CACNA2D3: variants seen among roughly 807,000 people sequenced by gnomAD.
The protein encoded by CACNA2D3 is voltage-dependent calcium channel subunit alpha-2/delta-3.
A neutral mutation model predicts 160.6 loss-of-function variants in CACNA2D3; 60 were observed. The observed-to-expected ratio is 0.37, with a 90% CI of 0.30 to 0.46. The LOEUF is 0.46. CACNA2D3 is among the 20% of genes least tolerant of loss of function. The pLI is 1.00. For synonymous variants in CACNA2D3, 558 were observed against 492.9 expected (o/e 1.13, Z -1.75); for missense variants, 1,205 against 1,365.0 (o/e 0.88, Z 1.85).
intron 11 of CACNA2D3, among the ~76,000 whole-genome samples, chr3:54,678,733 A>C (rs1700288775): frequency 6.8e-6 from 1 of 146,838 alleles, no homozygotes; most frequent in Non-Finnish European, 1.5e-5. Flanking sequence ...AAAAAAAAAA[A>C]AAAAAAAAAA....
chr3:54,575,130 A>G (rs2106728405), intron 8 of CACNA2D3, among the ~76,000 whole-genome samples: 1 of 152,336 alleles, frequency 6.6e-6, no homozygotes, highest in South Asian at 2.1e-4. Flanking sequence ...GTGTTGGTCA[A>G]AATAATGTGT....
At chr3:54,199,392 G>T (rs1576993983) in intron 2 of CACNA2D3, among the ~76,000 whole-genome samples, 1 of 151,932 alleles carries the variant, frequency 6.6e-6, no homozygotes. Context: ...TTGAGACAGG[G>T]TCTTACCATC....
chr3:54,463,144 C>A (rs1253245695), intron 4 of CACNA2D3, among the ~76,000 whole-genome samples: 1 of 152,036 alleles, frequency 6.6e-6, no homozygotes, highest in Non-Finnish European at 1.5e-5. Flanking sequence ...CCGAGAGATC[C>A]GCTGTTAGTC....
intron 27 of CACNA2D3, among the ~76,000 whole-genome samples, chr3:54,954,077 GTCTC>G (rs956973500): frequency 1.2e-4 from 18 of 152,316 alleles, no homozygotes; most frequent in African/African-American, 4.1e-4. Context: ...TGAATTCAGT[GTCTC>G]TCTGCCTATT....
intron 27 of CACNA2D3, among the ~76,000 whole-genome samples, chr3:54,900,584 G>T (rs1001142560): frequency 6.6e-6 from 1 of 152,194 alleles, no homozygotes. Flanking sequence ...TCTGGCACAT[G>T]GTTTATTCTG....
chr3:54,925,149 C>T, intron 27 of CACNA2D3: 2 of 1,614,058 alleles, frequency 1.2e-6, no homozygotes. Context: ...CTGACAGTAA[C>T]ACTTGTCCGG....
At position 54,644,705 on chromosome 3, in the gene CACNA2D3, C is replaced by T. The variant is rs115606747; in HGVS notation, c.1167+2464C>T. 1.4e-4 allele frequency among the ~76,000 whole-genome samples: 21 copies of T among 152,362 alleles called. No individual in the cohort carries two copies. In the East Asian group the frequency reaches 3.3e-3, roughly 24 times the overall value. ...GTAGTTCTCAAACTTGAGTGAGCTTCGGGATCACCCGAGGGCTTGTTCCTC... is the reference window on the plus strand; with the variant it reads ...GTAGTTCTCAAACTTGAGTGAGCTTTGGGATCACCCGAGGGCTTGTTCCTC... On this transcript the variant is annotated intron_variant, in intron 11 of 37. Transcript: ENST00000474759.
At chr3:54,778,501 C>T (rs779248307) in intron 13 of CACNA2D3, among the ~76,000 whole-genome samples, 6 of 152,116 alleles carry the variant, frequency 3.9e-5, no homozygotes, top group Admixed American at 1.3e-4. Flanking sequence ...TCTCCTCTGA[C>T]CTCCTTGGAT....
At chr3:54,386,153 T>C (rs1460778430) in intron 3 of CACNA2D3, among the ~76,000 whole-genome samples, 3 of 152,204 alleles carry the variant, frequency 2.0e-5, no homozygotes, top group African/African-American at 7.2e-5. Context: ...ATTTAAGTGA[T>C]TGCTTTATTG....
chr3:54,889,304 A>G (rs1038504200), intron 24 of CACNA2D3, among the ~76,000 whole-genome samples: 1 of 152,202 alleles, frequency 6.6e-6, no homozygotes, highest in Non-Finnish European at 1.5e-5. Context: ...TTACAAAAAG[A>G]TCTCTCTATT....
intron 2 of CACNA2D3, among the ~76,000 whole-genome samples, chr3:54,309,441 T>A (rs1014041961): frequency 6.6e-6 from 1 of 152,204 alleles, no homozygotes; most frequent in Non-Finnish European, 1.5e-5. Flanking sequence ...AGATTTTTTT[T>A]AAGAGTATAG....
intron 13 of CACNA2D3, among the ~76,000 whole-genome samples, chr3:54,771,529 C>G (rs1286738145): frequency 6.6e-6 from 1 of 152,174 alleles, no homozygotes; most frequent in African/African-American, 2.4e-5. Flanking sequence ...TTCCCATTTT[C>G]TTGCTTGCTG....
chr3:54,599,829 G>A (rs1703030349), intron 9 of CACNA2D3, among the ~76,000 whole-genome samples: 1 of 152,178 alleles, frequency 6.6e-6, no homozygotes. Flanking sequence ...TCGTTCCTTA[G>A]GTCTGGGTCT....
At chr3:54,124,914 A>G (rs1292135476) in intron 2 of CACNA2D3, among the ~76,000 whole-genome samples, 1 of 152,118 alleles carries the variant, frequency 6.6e-6, no homozygotes, top group Non-Finnish European at 1.5e-5. Context: ...TCGGCACTTA[A>G]AGGAATTGCA....
chr3:54,995,377 A>G (rs1702833912), intron 31 of CACNA2D3, among the ~76,000 whole-genome samples: 1 of 152,238 alleles, frequency 6.6e-6, no homozygotes, highest in Non-Finnish European at 1.5e-5. Flanking sequence ...CTTAAAGAAC[A>G]TAAGAGGTCT....
intron 12 of CACNA2D3, among the ~76,000 whole-genome samples, chr3:54,759,334 GA>G (rs1702038667): frequency 6.6e-6 from 1 of 152,144 alleles, no homozygotes; most frequent in African/African-American, 2.4e-5. Context: ...AAAAAACAGA[GA>G]GAAAGGGGAG....
intron 11 of CACNA2D3, among the ~76,000 whole-genome samples, chr3:54,725,078 G>T (rs567103050): frequency 5.3e-5 from 8 of 152,100 alleles, no homozygotes; most frequent in Non-Finnish European, 1.2e-4. Context: ...TGATATAGGG[G>T]ATATCACCAC....
chr3:54,808,083 A>T (rs1169236418), intron 13 of CACNA2D3, among the ~76,000 whole-genome samples: 1 of 147,918 alleles, frequency 6.8e-6, no homozygotes, highest in Non-Finnish European at 1.5e-5. Context: ...GAGGGATAGC[A>T]TTAGGAGATA....
At chr3:54,436,325 T>A (rs1700059062) in intron 4 of CACNA2D3, among the ~76,000 whole-genome samples, 1 of 152,212 alleles carries the variant, frequency 6.6e-6, no homozygotes. Flanking sequence ...TTTACACTGT[T>A]GGTGGGAGTG....
Sources: gnomAD v4.1 joint callset for allele counts (sites outside exome capture counted in the v4.1 genomes callset) on GRCh38, gnomAD v4.1.1 for gene constraint, MANE v1.5 for transcripts, NCBI Gene and HGNC (gene_info 2026-07-23, HGNC 2026-07-21) for gene names.